The following FOXK2 variants were observed in gnomAD, a reference collection of about 807,000 sequenced individuals.
FOXK2 encodes forkhead box protein K2.
A neutral mutation model predicts 53.3 loss-of-function variants in FOXK2; 24 were observed. The observed-to-expected ratio is 0.45, with a 90% CI of 0.33 to 0.63. The LOEUF (loss-of-function observed/expected upper bound fraction) is 0.63, where lower values mean the gene tolerates loss of function less well. Among genes scored for constraint, FOXK2 ranks in the 30% least tolerant of loss-of-function variants. The pLI is 0.03. For missense variants in FOXK2, 952 were observed against 910.5 expected (o/e 1.05, Z -0.59); for synonymous variants, 505 against 407.1 (o/e 1.24, Z -2.89).
chr17:82,596,219 C>CT (rs2045308933), intron 8 of FOXK2: 1 of 989,280 alleles, frequency 1.0e-6, no homozygotes, highest in Non-Finnish European at 1.2e-6. Flanking sequence ...CTTCAGTAGC[C>CT]TGAGTCCCTT....
intron 1 of FOXK2, among the ~76,000 whole-genome samples, chr17:82,560,290 G>A (rs2044779016): frequency 1.3e-5 from 2 of 152,146 alleles, no homozygotes; most frequent in Non-Finnish European, 2.9e-5. Flanking sequence ...TTACAGGCAT[G>A]AACCACTGCG....
At chr17:82,573,622 A>G (rs2044948708) in intron 4 of FOXK2, among the ~76,000 whole-genome samples, 1 of 150,406 alleles carries the variant, frequency 6.6e-6, no homozygotes, top group African/African-American at 2.5e-5. Flanking sequence ...ACTTCTACCC[A>G]TGTTCCAGTG....
chr17:82,543,992 G>C (rs2044598130), intron 1 of FOXK2, among the ~76,000 whole-genome samples: 3 of 152,164 alleles, frequency 2.0e-5, no homozygotes, highest in Middle Eastern at 3.4e-3. Flanking sequence ...TAGCCAGGAT[G>C]GTCTCAATCT....
intron 3 of FOXK2, 36 bp from the exon 4 acceptor site, chr17:82,571,688 T>G: frequency 6.8e-7 from 1 of 1,467,428 alleles, no homozygotes; most frequent in Non-Finnish European, 9.0e-7. Context: ...ATATGGTAAC[T>G]TCAATATTCG....
At chr17:82,551,332 A>T (rs2044675546) in intron 1 of FOXK2, among the ~76,000 whole-genome samples, 1 of 151,192 alleles carries the variant, frequency 6.6e-6, no homozygotes, top group Non-Finnish European at 1.5e-5. Flanking sequence ...AAAAAATTAA[A>T]AAAAAAATAA....
chr17:82,583,208 G>A (rs1308114185), intron 5 of FOXK2, among the ~76,000 whole-genome samples: 4 of 152,208 alleles, frequency 2.6e-5, no homozygotes, highest in Non-Finnish European at 5.9e-5. Flanking sequence ...CCAGTGCCAC[G>A]TCGACGTTTT....
intron 1 of FOXK2, among the ~76,000 whole-genome samples, chr17:82,542,471 T>TTTTTA (rs562023643): frequency 1.4e-4 from 21 of 152,056 alleles, no homozygotes; most frequent in Admixed American, 1.1e-3. Flanking sequence ...CTTCCCCAGT[T>TTTTTA]TTTTATTTTA....
At chr17:82,587,653 G>C (rs1353998026) in intron 8 of FOXK2, 1 of 319,520 alleles carries the variant, frequency 3.1e-6, no homozygotes, top group Non-Finnish European at 6.1e-6. Flanking sequence ...GTGGGAGAGA[G>C]GCTGCTTTTC....
chr17:82,592,397 C>T (rs2045261405), intron 8 of FOXK2, among the ~76,000 whole-genome samples: 1 of 152,222 alleles, frequency 6.6e-6, no homozygotes, highest in South Asian at 2.1e-4. Context: ...TTTCTGTCAC[C>T]TTCTTAAGGG....
Position 82,587,121 on chromosome 17 carries a change from C to T in FOXK2, c.1635C>T (p.Ile545=). The T allele has an allele frequency of 6.2e-7, 1 of 1,613,090 alleles. No homozygotes were observed. Among genetic ancestry groups the T allele is most frequent in the Non-Finnish European group, 8.5e-7 (1 of 1,180,004 alleles). Residue 545 remains isoleucine (I), a synonymous_variant, in exon 8 of 9, where the codon ATC becomes ATT. Transcript: ENST00000335255. ...CCACGCTCGGCACTGCCAGCCGGAT[C>T]ATTCAGACGGCACAGACCACCCCGG... The part of the protein sequence containing the change: ...GHATLGTASR[I]IQTAQTTPVQ...
At chr17:82,534,603 A>C (rs557470275) in intron 1 of FOXK2, among the ~76,000 whole-genome samples, 41 of 152,222 alleles carry the variant, frequency 2.7e-4, no homozygotes, top group Non-Finnish European at 2.5e-4. Context: ...GGACTGCGCT[A>C]CTGGAGCACA....
intron 6 of FOXK2, among the ~76,000 whole-genome samples, chr17:82,584,451 A>G (rs1344487604): frequency 6.6e-6 from 1 of 151,852 alleles, no homozygotes; most frequent in African/African-American, 2.4e-5. Context: ...TCAAAAATCC[A>G]TGAAACAGCC....
chr17:82,557,475 C>G (rs1449904414), intron 1 of FOXK2, among the ~76,000 whole-genome samples: 1 of 152,004 alleles, frequency 6.6e-6, no homozygotes, highest in Non-Finnish European at 1.5e-5. Flanking sequence ...TCCCAAGTAG[C>G]TGGGATTACA....
intron 1 of FOXK2, among the ~76,000 whole-genome samples, chr17:82,526,684 G>A (rs1486876884): frequency 6.6e-6 from 1 of 152,148 alleles, no homozygotes. Context: ...CAAAAAATTA[G>A]CTGGGCATGG....
At chr17:82,542,233 C>T (rs2044581730) in intron 1 of FOXK2, among the ~76,000 whole-genome samples, 1 of 151,146 alleles carries the variant, frequency 6.6e-6, no homozygotes, top group Admixed American at 6.6e-5. Context: ...GCGATCTCGG[C>T]TCACTGCAAC....
chr17:82,530,580 A>G (rs1463796384), intron 1 of FOXK2, among the ~76,000 whole-genome samples: 1 of 139,510 alleles, frequency 7.2e-6, no homozygotes, highest in Non-Finnish European at 1.5e-5. Context: ...GCGCCATCTC[A>G]GCTCACTGCA....
chr17:82,546,649 C>T (rs1310781911), intron 1 of FOXK2, among the ~76,000 whole-genome samples: 4 of 151,546 alleles, frequency 2.6e-5, no homozygotes, highest in Admixed American at 6.6e-5. Flanking sequence ...TTTTTTTAAA[C>T]GGTGACGGGG....
intron 4 of FOXK2, among the ~76,000 whole-genome samples, chr17:82,574,912 C>T (rs1018005477): frequency 1.3e-5 from 2 of 152,276 alleles, no homozygotes; most frequent in Admixed American, 1.3e-4. Flanking sequence ...GCATTTACGT[C>T]CTATGATTTG....
intron 1 of FOXK2, among the ~76,000 whole-genome samples, chr17:82,550,563 C>T (rs576724588): frequency 4.3e-5 from 6 of 140,726 alleles, no homozygotes; most frequent in Non-Finnish European, 9.0e-5. Flanking sequence ...AGTGCAGTGG[C>T]GCAATCTCGG....
Sources: allele counts gnomAD v4.1 joint callset (sites outside exome capture counted in the v4.1 genomes callset), GRCh38; gene constraint gnomAD v4.1.1; transcripts MANE v1.5; gene names NCBI Gene and HGNC (gene_info 2026-07-23, HGNC 2026-07-21).